The following MAPK9 variants were observed in gnomAD, a reference collection of about 807,000 sequenced individuals.
MAPK9 encodes the protein Jun kinase.
In MAPK9, 30 loss-of-function variants were observed where a neutral mutation model predicts 57.1. The observed-to-expected ratio is 0.53, with a 90% CI of 0.39 to 0.71. MAPK9 has a LOEUF of 0.71. Ranked by LOEUF, MAPK9 falls within the 30% of genes least tolerant of loss-of-function variation. MAPK9 has a pLI of 0.00. For synonymous variants in MAPK9, 155 were observed against 177.0 expected (o/e 0.88, Z 0.99); for missense variants, 362 against 521.0 (o/e 0.69, Z 2.97).
At chr5:180,278,078 T>C (rs1053577255) in intron 2 of MAPK9, among the ~76,000 whole-genome samples, 5 of 152,220 alleles carry the variant, frequency 3.3e-5, no homozygotes, top group Non-Finnish European at 5.9e-5. Context: ...TAGTGAATAT[T>C]TGTTCATTAT....
chr5:180,286,468 T>C (rs1452727996), intron 1 of MAPK9, among the ~76,000 whole-genome samples: 1 of 151,756 alleles, frequency 6.6e-6, no homozygotes, highest in Non-Finnish European at 1.5e-5. Flanking sequence ...TTATGAAGAA[T>C]AGCTTGGTAT....
chr5:180,280,020 C>T (rs897429642), intron 2 of MAPK9: 1 of 456,990 alleles, frequency 2.2e-6, no homozygotes, highest in African/African-American at 2.0e-5. Flanking sequence ...AATGGCAAGG[C>T]ACTGCAATGA....
At chr5:180,269,216 C>T (rs1249049330) in intron 3 of MAPK9, 64 bp downstream of exon 3, 1 of 1,506,968 alleles carries the variant, frequency 6.6e-7, no homozygotes, top group Non-Finnish European at 9.2e-7. Context: ...CTCCAGAAAA[C>T]CCTGAAGATT....
intron 4 of MAPK9, among the ~76,000 whole-genome samples, chr5:180,262,531 C>A (rs1760088008): frequency 6.6e-6 from 1 of 151,462 alleles, no homozygotes; most frequent in Non-Finnish European, 1.5e-5. Flanking sequence ...GGGTTCAAGC[C>A]ATTCTCATGC....
chr5:180,247,475 G>T lies in MAPK9; in HGVS notation c.652C>A (p.Leu218Met). 6.2e-7 allele frequency: 1 copy of T among 1,614,098 alleles called. No individual in the cohort carries two copies. ...TGGAATATCACACAACCTTTCACCAGCTCTCCCATGATGCAACCCACTGAC... is the reference window on the plus strand; with the variant it reads ...TGGAATATCACACAACCTTTCACCATCTCTCCCATGATGCAACCCACTGAC... ...IWSVGCIMGELVKGCVIFQGT... is the reference protein window; with the variant it reads ...IWSVGCIMGEMVKGCVIFQGT... Residue 218 changes from leucine (L) to methionine (M), a missense_variant, in exon 7 of 12, where the codon CTG becomes ATG. By Grantham distance (15) the Leu-to-Met change is conservative. Coordinates refer to ENST00000452135, the MANE Select transcript of MAPK9 (RefSeq NM_002752.5). This position sits in a 1 kb window ranked among gnomAD's most constrained non-coding sequence, Gnocchi z 4.5.
At chr5:180,261,991 A>G (rs1239157129) in intron 4 of MAPK9, among the ~76,000 whole-genome samples, 169 bp from the exon 5 acceptor site, 10 of 152,206 alleles carry the variant, frequency 6.6e-5, no homozygotes, top group Admixed American at 6.5e-4. Flanking sequence ...TAAATAACAA[A>G]CTTAACGTCT....
chr5:180,268,439 A>C (rs1760903784), intron 3 of MAPK9, among the ~76,000 whole-genome samples: 1 of 152,238 alleles, frequency 6.6e-6, no homozygotes, highest in Non-Finnish European at 1.5e-5. Flanking sequence ...ATAGAAACAG[A>C]GTATCAATTG....
In MAPK9 at chr5:180,233,986, G is replaced by A. The variant is rs1282630373; in HGVS notation, c.*2398C>T. The stretch of plus-strand genomic sequence containing the variant: ...TCCAGACTGCTCTCCTGCTCTCACA[G>A]AACTCTGTCTGCTCTCTGGACTCTG... On this transcript the variant is annotated 3_prime_UTR_variant, in exon 12 of 12. Transcript: ENST00000452135. The A allele has an allele frequency of 2.6e-5, 4 of 152,220 alleles. No homozygotes were observed. The highest frequency in any genetic ancestry group is 5.9e-5 in the Non-Finnish European group (4 of 68,056). The allele number at this position is 152,220 out of a possible 1,614,324, so 9.4% of individuals were successfully genotyped here.
Position 180,269,698 on chromosome 5 carries a change from T to C in MAPK9, c.123-289A>G, listed in dbSNP as rs142466157. Among the ~76,000 whole-genome samples the C allele has an allele frequency of 3.8e-3, 577 of 152,318 alleles. 2 individuals are homozygous for C. Among genetic ancestry groups the C allele is most frequent in the Middle Eastern group, 0.01 (3 of 294 alleles). ...TTACATTCAAAACCAGGTAATTTAA[T>C]ATAGAGTGCATAAAACCAGTCAAGA... On this transcript the variant is annotated intron_variant, in intron 2 of 11. Transcript: ENST00000452135.
intron 8 of MAPK9, among the ~76,000 whole-genome samples, chr5:180,241,918 A>G (rs1757700739): frequency 6.6e-6 from 1 of 152,230 alleles, no homozygotes; most frequent in African/African-American, 2.4e-5. Flanking sequence ...ACAATCTCAC[A>G]TTCCCACAGG....
chr5:180,288,975 T>C (rs1763008134), intron 1 of MAPK9, among the ~76,000 whole-genome samples: 2 of 152,230 alleles, frequency 1.3e-5, no homozygotes, highest in South Asian at 4.1e-4. Flanking sequence ...GTTCATACAA[T>C]CAAGTACAAA....
intron 1 of MAPK9, among the ~76,000 whole-genome samples, chr5:180,290,549 A>G (rs1325740569): frequency 6.6e-6 from 1 of 152,264 alleles, no homozygotes; most frequent in South Asian, 2.1e-4. Flanking sequence ...TAGATAATGC[A>G]GAATTCAGTA....
In MAPK9 at chr5:180,235,513, T is replaced by C. The variant is rs1357986460; in HGVS notation, c.*871A>G. The C allele has an allele frequency of 1.3e-5, 2 of 152,232 alleles. No individual in the cohort carries two copies. The highest frequency in any genetic ancestry group is 4.8e-5 in the African/African-American group (2 of 41,460). 9.4% of individuals were successfully genotyped at this position (152,232 alleles called of 1,614,324 possible). A position where few individuals can be genotyped will look rare whatever the true frequency, so the allele number is the denominator to read the frequency against. ...ATGCAGGAACCTATCTGCCATCATA[T>C]TTAATTAAGATGGAGTGTTACGCAC... On this transcript the variant is annotated 3_prime_UTR_variant, in exon 12 of 12. Transcript: ENST00000452135.
intron 5 of MAPK9, among the ~76,000 whole-genome samples, chr5:180,255,865 G>C (rs1056055291): frequency 9.2e-5 from 14 of 152,162 alleles, no homozygotes; most frequent in African/African-American, 3.1e-4. Flanking sequence ...ATGAACTGAA[G>C]GAGTTTGCTT....
chr5:180,243,457 C>T (rs953421781), intron 7 of MAPK9, among the ~76,000 whole-genome samples: 2 of 152,186 alleles, frequency 1.3e-5, no homozygotes, highest in Non-Finnish European at 1.5e-5. Context: ...CCAGCTTTGC[C>T]TATTCCACAG....
At chr5:180,243,719 T>C (rs1757836969) in intron 7 of MAPK9, among the ~76,000 whole-genome samples, 2 of 152,202 alleles carry the variant, frequency 1.3e-5, no homozygotes, top group South Asian at 4.1e-4. Context: ...GTTTCTGGCA[T>C]TCAATTCACT....
chr5:180,252,224 T>C (rs1418101744), intron 5 of MAPK9, among the ~76,000 whole-genome samples: 10 of 152,126 alleles, frequency 6.6e-5, no homozygotes, highest in Non-Finnish European at 1.5e-4. Context: ...CCTGCAGCAG[T>C]GTGGGCGCTG....
At chr5:180,265,184 T>C (rs957942954) in intron 3 of MAPK9, among the ~76,000 whole-genome samples, 11 of 152,210 alleles carry the variant, frequency 7.2e-5, no homozygotes, top group African/African-American at 2.4e-4. Flanking sequence ...CACAAATTTC[T>C]AAAAAGGTTT....
At chr5:180,269,142 A>G (rs940923788) in intron 3 of MAPK9, 138 bp downstream of exon 3, 12 of 964,692 alleles carry the variant, frequency 1.2e-5, no homozygotes, top group Non-Finnish European at 1.8e-5. Context: ...AAAACAAAAA[A>G]CAAAAAACCA....
Sources: allele counts gnomAD v4.1 joint callset (sites outside exome capture counted in the v4.1 genomes callset), GRCh38; gene constraint gnomAD v4.1.1; non-coding constraint Gnocchi (gnomAD v3.1); transcripts MANE v1.5; gene names NCBI Gene and HGNC (gene_info 2026-07-23, HGNC 2026-07-21).